Variants in RASEF observed in about 807,000 individuals in gnomAD.
RASEF encodes the protein RAS and EF-hand domain containing.
Under a neutral mutation model 90.1 loss-of-function variants are expected in RASEF, and 68 were observed. That is an observed-to-expected ratio of 0.75 (90% CI 0.62 to 0.92). RASEF has a LOEUF of 0.92. RASEF is among the 40% of genes least tolerant of loss of function. RASEF has a pLI of 0.00. For synonymous variants in RASEF, 331 were observed against 345.2 expected, an observed-to-expected ratio of 0.96 and a Z score of 0.46; for missense variants, 949 against 937.2, an observed-to-expected ratio of 1.01 and a Z score of -0.16.
chr9:82,990,422 T>C lies in RASEF; in HGVS notation c.2086A>G (p.Asn696Asp). ...FCETSAKDGS[N>D]IVEAVLHLAR... ...AGGTGCAGAACAGCCTCCACTATGTTAGAACCATCTTTGGCACTTGTTTCA... is the reference window on the plus strand; with the variant it reads ...AGGTGCAGAACAGCCTCCACTATGTCAGAACCATCTTTGGCACTTGTTTCA... The change falls in exon 16 of 17, where the codon AAC becomes GAC. Residue 696 changes from asparagine to aspartate, a missense_variant. Asn to Asp is a conservative substitution (Grantham distance 23, BLOSUM62 1). Transcript: ENST00000376447. 6.2e-7 allele frequency: 1 copy of C among 1,613,932 alleles called. No homozygotes were observed. The highest frequency in any genetic ancestry group is 8.5e-7 in the Non-Finnish European group (1 of 1,179,856).
At chr9:83,149,708 C>T in the RASEF span, among the ~76,000 whole-genome samples, 1 of 152,126 alleles carries the variant, frequency 6.6e-6, no homozygotes, top group Non-Finnish European at 1.5e-5. Context: ...AACACTGCAC[C>T]ATGGTACTCG....
At chr9:83,156,108 T>G in the RASEF span, among the ~76,000 whole-genome samples, 1 of 152,214 alleles carries the variant, frequency 6.6e-6, no homozygotes, top group African/African-American at 2.4e-5. Flanking sequence ...GATAATTTCC[T>G]TGTCTCACAC....
rs1357733334 is a variant in RASEF, at chr9:83,030,590, G to GA, written c.432-4670dup. Reference sequence around the variant, plus strand: ...AAGCATACAAATAGAATAATTACAGGAAATGTCTGCCACTAACAGAAAATA... The same window carrying GA: ...AAGCATACAAATAGAATAATTACAGGAAAATGTCTGCCACTAACAGAAAATA... On this transcript the variant is annotated intron_variant, in intron 1 of 16. Coordinates refer to ENST00000376447, the MANE Select transcript of RASEF (RefSeq NM_152573.4). Among the ~76,000 whole-genome samples, 4 of 152,276 alleles carry GA rather than the reference G, an allele frequency of 2.6e-5. No homozygotes were observed. In the East Asian group the frequency reaches 7.7e-4, roughly 29 times the overall value.
the RASEF span, among the ~76,000 whole-genome samples, chr9:83,127,418 T>C: frequency 2.6e-5 from 4 of 152,076 alleles, no homozygotes; most frequent in African/African-American, 9.7e-5. Flanking sequence ...CAGGAGCCCA[T>C]AGTTGAAACT....
the RASEF span, among the ~76,000 whole-genome samples, chr9:83,143,620 A>C: frequency 6.6e-6 from 1 of 152,166 alleles, no homozygotes; most frequent in Non-Finnish European, 1.5e-5. Flanking sequence ...ATCCCACACC[A>C]ATCAGAATGG....
At chr9:83,095,599 C>T in the RASEF span, among the ~76,000 whole-genome samples, 1 of 151,576 alleles carries the variant, frequency 6.6e-6, no homozygotes, top group African/African-American at 2.4e-5. Context: ...TATTTTAATT[C>T]GAAGTTTATA....
At chr9:83,195,332 G>T in the RASEF span, among the ~76,000 whole-genome samples, 4 of 152,204 alleles carry the variant, frequency 2.6e-5, no homozygotes, top group African/African-American at 9.7e-5. Context: ...CAATATGCCT[G>T]ACAGAAGAGC....
the RASEF span, among the ~76,000 whole-genome samples, chr9:83,101,699 T>C: frequency 6.6e-6 from 1 of 152,228 alleles, no homozygotes; most frequent in African/African-American, 2.4e-5. Context: ...ATAACGTTGC[T>C]GTAAACACTG....
chr9:83,015,336 TGCAAAAGACA>T (rs1829323449), intron 4 of RASEF, among the ~76,000 whole-genome samples: 1 of 152,260 alleles, frequency 6.6e-6, no homozygotes, highest in South Asian at 2.1e-4. Context: ...ATTAAATCTA[TGCAAAAGACA>T]GGTGGCCCCT....
the RASEF span, among the ~76,000 whole-genome samples, chr9:83,081,690 G>C: frequency 5.3e-3 from 804 of 152,240 alleles, 19 homozygotes; most frequent in East Asian, 0.074. Flanking sequence ...CTTCATAACA[G>C]AGTAAATCCT....
the RASEF span, among the ~76,000 whole-genome samples, chr9:83,075,773 AT>A: frequency 6.6e-6 from 1 of 152,188 alleles, no homozygotes; most frequent in Non-Finnish European, 1.5e-5. Flanking sequence ...ACATGAAGAG[AT>A]GTTAAAATAT....
the RASEF span, among the ~76,000 whole-genome samples, chr9:83,144,400 G>GAAAGAAAGAAAGAAAGAAAGAAAGA: frequency 9.6e-6 from 1 of 104,418 alleles, no homozygotes; most frequent in Admixed American, 9.4e-5. Flanking sequence ...AGGAAAGAAA[G>GAAAGAAAGAAAGAAAGAAAGAAAGA]AAAGAAAGAA....
the RASEF span, among the ~76,000 whole-genome samples, chr9:83,119,052 A>G: frequency 1.3e-5 from 2 of 149,556 alleles, no homozygotes; most frequent in Non-Finnish European, 3.0e-5. Flanking sequence ...CTGTTACCCA[A>G]TCTGGAGTGT....
chr9:83,088,546 G>A, the RASEF span, among the ~76,000 whole-genome samples: 1 of 151,872 alleles, frequency 6.6e-6, no homozygotes, highest in African/African-American at 2.4e-5. Context: ...TTGCTGAATG[G>A]CCTATTTCTC....
the RASEF span, among the ~76,000 whole-genome samples, chr9:83,135,455 G>C: frequency 8.6e-5 from 13 of 151,814 alleles, no homozygotes; most frequent in Non-Finnish European, 1.9e-4. Context: ...TAACAAACCT[G>C]CACGTTGCGC....
intron 1 of RASEF, among the ~76,000 whole-genome samples, chr9:83,041,750 T>G (rs956009601): frequency 5.9e-5 from 9 of 152,154 alleles, no homozygotes; most frequent in Non-Finnish European, 1.2e-4. Context: ...AACGGAAGGG[T>G]GATTTTCTGA....
chr9:83,147,026 G>A, the RASEF span, among the ~76,000 whole-genome samples: 6 of 118,114 alleles, frequency 5.1e-5, no homozygotes, highest in East Asian at 2.9e-4. Flanking sequence ...GTGTGTGTGT[G>A]TGTATATATA....
chr9:83,216,527 G>C, the RASEF span, among the ~76,000 whole-genome samples: 1 of 152,184 alleles, frequency 6.6e-6, no homozygotes, highest in Non-Finnish European at 1.5e-5. Flanking sequence ...AAGAACCGAG[G>C]TTTGGAAACC....
At chr9:83,144,382 A>AG in the RASEF span, among the ~76,000 whole-genome samples, 2,690 of 56,210 alleles carry the variant, frequency 0.048, 51 homozygotes, top group Non-Finnish European at 0.048. Context: ...AAAGAAAGAA[A>AG]GAAAGAAAGG....
Sources: gnomAD v4.1 joint callset for allele counts (sites outside exome capture counted in the v4.1 genomes callset) on GRCh38, gnomAD v4.1.1 for gene constraint, MANE v1.5 for transcripts, NCBI Gene and HGNC (gene_info 2026-07-23, HGNC 2026-07-21) for gene names.